LRP3: variants seen among roughly 807,000 people sequenced by gnomAD.
LRP3 encodes the protein low-density lipoprotein receptor-related protein 3.
In LRP3, 49 loss-of-function variants were observed where a neutral mutation model predicts 58.5. That is an observed-to-expected ratio of 0.84 (90% CI 0.67 to 1.06). The LOEUF (loss-of-function observed/expected upper bound fraction) is 1.06, where lower values mean the gene tolerates loss of function less well. Ranked by LOEUF, LRP3 falls within the 50% of genes least tolerant of loss-of-function variation. The pLI is 0.00. For synonymous variants in LRP3, 485 were observed against 492.2 expected, an observed-to-expected ratio of 0.99 and a Z score of 0.20; for missense variants, 1,019 against 1,134.2, an observed-to-expected ratio of 0.90 and a Z score of 1.46.
At position 33,207,397 on chromosome 19, in the gene LRP3, C is replaced by G; in HGVS notation, c.2135C>G (p.Ala712Gly). Residue 712 changes from alanine (A) to glycine (G), a missense_variant, in exon 7 of 7, where the codon GCT becomes GGT. Ala to Gly is a moderately conservative substitution (Grantham distance 60, BLOSUM62 0). Transcript: ENST00000253193. ...AGGGAGCCACTGGTAGACGGCCCAG[C>G]TCCTGCAGATGCACCTCGGGAGCCC... ...VCREPLVDGP[A>G]PADAPREPCS... 1 of 1,587,678 alleles carries G rather than the reference C, an allele frequency of 6.3e-7. No individual in the cohort carries two copies. Among genetic ancestry groups the G allele is most frequent in the Non-Finnish European group, 8.5e-7 (1 of 1,172,404 alleles).
chr19:33,198,375 A>G (rs1037590650), intron 2 of LRP3, among the ~76,000 whole-genome samples: 5 of 152,060 alleles, frequency 3.3e-5, no homozygotes, highest in Non-Finnish European at 7.4e-5. Context: ...TGGGAGCTGC[A>G]CGCCCAGCGC....
At position 33,207,283 on chromosome 19, in the gene LRP3, C is replaced by A. The variant is rs1439213059; in HGVS notation, c.2021C>A (p.Ala674Glu). 1 of 1,557,238 alleles carries A rather than the reference C, an allele frequency of 6.4e-7. No individual in the cohort carries two copies. The highest frequency in any genetic ancestry group is 1.2e-5 in the South Asian group (1 of 84,436). ...AGGCCCCCCAGTGCCCCCGGCCGTG[C>A]ACCGGAGGTGGGACCTTCAGGGCCA... ...GDRPPSAPGR[A>E]PEVGPSGPPL... Residue 674 changes from alanine to glutamate, a missense_variant, in exon 7 of 7, where the codon GCA (alanine) becomes GAA (glutamate). By Grantham distance (107) the Ala-to-Glu change is moderately radical (BLOSUM62 -1). This residue lies in a region of LRP3 where 427 missense variants were observed against 408.6 expected (regional missense o/e 1.04). Coordinates refer to ENST00000253193, the MANE Select transcript of LRP3 (RefSeq NM_002333.4).
intron 3 of LRP3, among the ~76,000 whole-genome samples, chr19:33,203,408 T>C (rs1311097960): frequency 6.6e-6 from 1 of 152,186 alleles, no homozygotes; most frequent in Non-Finnish European, 1.5e-5. Flanking sequence ...AGGACACATG[T>C]GAGAGACTGC....
chr19:33,202,657 G>T (rs1974352774), intron 2 of LRP3, among the ~76,000 whole-genome samples, 191 bp from the exon 3 acceptor site: 1 of 152,156 alleles, frequency 6.6e-6, no homozygotes, highest in Admixed American at 6.5e-5. Context: ...AGTCTAGGGG[G>T]CCCTCCTTGG....
In LRP3 at chr19:33,207,311, C is replaced by G. The variant is rs770811890; in HGVS notation, c.2049C>G (p.Pro683=). The G allele has an allele frequency of 3.3e-5, 51 of 1,569,114 alleles. No individual in the cohort carries two copies. Among genetic ancestry groups the G allele is most frequent in the Non-Finnish European group, 4.1e-5 (48 of 1,165,258 alleles). The change falls in exon 7 of 7, where the codon CCC becomes CCG. Residue 683 remains proline (P), a synonymous_variant. Coordinates refer to ENST00000253193, the MANE Select transcript of LRP3 (RefSeq NM_002333.4). Reference sequence around the variant, plus strand: ...CGGAGGTGGGACCTTCAGGGCCACCCTTGCCCTCGGGCCTGCGAGACCCAG... The same window carrying G: ...CGGAGGTGGGACCTTCAGGGCCACCGTTGCCCTCGGGCCTGCGAGACCCAG... The part of the protein sequence containing the change: ...RAPEVGPSGP[P]LPSGLRDPEC...
chr19:33,198,039 C>T (rs1044423475), intron 2 of LRP3, among the ~76,000 whole-genome samples: 1 of 152,256 alleles, frequency 6.6e-6, no homozygotes, highest in South Asian at 2.1e-4. Context: ...ATCCCAATTT[C>T]CAGGAAAAGG....
At position 33,206,045 on chromosome 19, in the gene LRP3, T is replaced by G; in HGVS notation, c.1275T>G (p.Gly425=). ...CGCCCGACCAGTACCCCTGCGAGGG[T>G]GGCAGTGGTCTGTGCTACACGCCTG... ...ACPPDQYPCE[G]GSGLCYTPAD... Residue 425 remains glycine (G), a synonymous_variant, in exon 5 of 7, where the codon GGT becomes GGG. Coordinates refer to ENST00000253193, the MANE Select transcript of LRP3 (RefSeq NM_002333.4). 6.3e-7 allele frequency: 1 copy of G among 1,598,708 alleles called. No homozygotes were observed. The highest frequency in any genetic ancestry group is 8.5e-7 in the Non-Finnish European group (1 of 1,173,540).
rs1442812083 is a variant in LRP3, at chr19:33,207,532, C to T, written c.2270C>T (p.Pro757Leu). Residue 757 changes from proline to leucine, a missense_variant, in exon 7 of 7, where the codon CCA (proline) becomes CTA (leucine). By Grantham distance (98) the Pro-to-Leu change is moderately conservative. Transcript: ENST00000253193. ...AGGAACCCCCCGCCCCCCTGCTCCCCAATGCTGGAGGCCAGCGATGATGAG... is the reference window on the plus strand; with the variant it reads ...AGGAACCCCCCGCCCCCCTGCTCCCTAATGCTGGAGGCCAGCGATGATGAG... ...VCRNPPPPCS[P>L]MLEASDDEAL... 6.2e-7 allele frequency: 1 copy of T among 1,605,952 alleles called. No homozygotes were observed. The highest frequency in any genetic ancestry group is 8.5e-7 in the Non-Finnish European group (1 of 1,179,608).
At position 33,208,752 on chromosome 19, in the gene LRP3, C is replaced by T. The variant is rs1476568663; in HGVS notation, c.*1177C>T. The T allele has an allele frequency of 9.5e-7, 1 of 1,055,880 alleles. No individual in the cohort carries two copies. Among genetic ancestry groups the T allele is most frequent in the Non-Finnish European group, 1.3e-6 (1 of 748,214 alleles). 65.4% of individuals were successfully genotyped at this position (1,055,880 alleles called of 1,614,324 possible). A position where few individuals can be genotyped will look rare whatever the true frequency, so the allele number is the denominator to read the frequency against. On this transcript the variant is annotated 3_prime_UTR_variant, in exon 7 of 7. Transcript: ENST00000253193. The surrounding 1 kb of genome is among the most constrained non-coding windows in gnomAD (Gnocchi z 4.7). ...AGGAAACCCAGTCCACATTTTAGGG[C>T]TTCCTTAAACAGGCTTCTGAGAGTC...
In LRP3 at chr19:33,196,316, A is replaced by G. The variant is rs114217961; in HGVS notation, c.74-414A>G. ...GCCTGTAATCCCAGCACTTTGGGAG[A>G]CCAAGGCAAGAGAATTGCTGGAGGC... On this transcript the variant is annotated intron_variant, in intron 1 of 6. Coordinates refer to ENST00000253193, the MANE Select transcript of LRP3 (RefSeq NM_002333.4). Among the ~76,000 whole-genome samples the G allele has an allele frequency of 3.3e-3, 504 of 152,244 alleles. 1 individual carries two copies. Among genetic ancestry groups the G allele is most frequent in the African/African-American group, 0.012 (482 of 41,556 alleles).
At chr19:33,195,132 C>A (rs900764896) in intron 1 of LRP3, among the ~76,000 whole-genome samples, 2 of 152,118 alleles carry the variant, frequency 1.3e-5, no homozygotes, top group African/African-American at 4.8e-5. Context: ...CAGGCGGCAG[C>A]CTTCAACCCG....
chr19:33,207,107 G>A lies in LRP3; in HGVS notation c.1845G>A (p.Pro615=), dbSNP rs368596989. The A allele has an allele frequency of 1.7e-4, 261 of 1,526,064 alleles. No individual in the cohort carries two copies. Among genetic ancestry groups the A allele is most frequent in the Middle Eastern group, 1.8e-4 (1 of 5,596 alleles). The allele number at this position is 1,526,064 out of a possible 1,614,324, so 94.5% of individuals were successfully genotyped here. Reference sequence around the variant, plus strand: ...TCTGGAACCGGCTCTTTCACCGGCCGCGGGCGCCCCGAGGCCAGATCCCAC... The same window carrying A: ...TCTGGAACCGGCTCTTTCACCGGCCACGGGCGCCCCGAGGCCAGATCCCAC... ...GRLWNRLFHR[P]RAPRGQIPLL... is the part of the protein sequence containing the mutation. The change falls in exon 7 of 7, where the codon CCG becomes CCA. Residue 615 remains proline, a synonymous_variant. Transcript: ENST00000253193.
rs1027479036 is a variant in LRP3 at position 33,205,659 on chromosome 19, C to A, written c.889C>A (p.Gln297Lys). Residue 297 changes from glutamine to lysine, a missense_variant, in exon 5 of 7, where the codon CAG becomes AAG. Transcript: ENST00000253193. ...ACAGGACTCCCGGCGGGTGCTGCTG[C>A]AGCTGGAACTGCGGCTGGGCTATGA... is the stretch of plus-strand genomic sequence containing the variant. ...DTQDSRRVLL[Q>K]LELRLGYDDY... 3.7e-6 allele frequency: 6 copies of A among 1,609,366 alleles called. No homozygotes were observed. Among genetic ancestry groups the A allele is most frequent in the African/African-American group, 1.3e-5 (1 of 74,892 alleles).
At chr19:33,196,460 A>G (rs1385934261) in intron 1 of LRP3, among the ~76,000 whole-genome samples, 1 of 152,242 alleles carries the variant, frequency 6.6e-6, no homozygotes, top group Non-Finnish European at 1.5e-5. Flanking sequence ...TGGGAGGCTC[A>G]GGTGGGAGGA....
At chr19:33,196,833 G>T in intron 2 of LRP3, 56 bp downstream of exon 2, 3 of 1,548,752 alleles carry the variant, frequency 1.9e-6, no homozygotes, top group Non-Finnish European at 2.7e-6. Context: ...TGGGTGAGTG[G>T]TCCCTGAAGA....
rs1221221403 is a variant in LRP3, at chr19:33,205,130, G to A, written c.476-116G>A. On this transcript the variant is annotated intron_variant, in intron 4 of 6. Transcript: ENST00000253193. ...ACAGAGCCCACCCTGGTGTTGGAGG[G>A]GTCTCTGCTGCCACAGTGATGGGGA... 5 of 1,149,636 alleles carry A rather than the reference G, an allele frequency of 4.3e-6. No homozygotes were observed. In the African/African-American group the frequency reaches 4.6e-5, roughly 11 times the overall value. The allele number at this position is 1,149,636 out of a possible 1,614,324, so 71.2% of individuals were successfully genotyped here.
At chr19:33,194,977 C>G (rs1221984080) in intron 1 of LRP3, 119 bp downstream of exon 1, 2 of 346,982 alleles carry the variant, frequency 5.8e-6, no homozygotes, top group Non-Finnish European at 8.4e-6. Context: ...GTGGCTCCCG[C>G]GCGGAGACCC....
At position 33,204,856 on chromosome 19, in the gene LRP3, A is replaced by T; in HGVS notation, c.475+4A>T. 7.4e-6 allele frequency: 12 copies of T among 1,612,408 alleles called. No individual in the cohort carries two copies. The highest frequency in any genetic ancestry group is 1.0e-5 in the Non-Finnish European group (12 of 1,179,676). On this transcript the variant is annotated splice_donor_region_variant and intron_variant, in intron 4 of 6. Transcript: ENST00000253193. ...TTCCGTCTGTCTTACATCCGAGGTGATGGAGGCTGCAGGGCAGGCAGGACA... is the reference window on the plus strand; with the variant it reads ...TTCCGTCTGTCTTACATCCGAGGTGTTGGAGGCTGCAGGGCAGGCAGGACA...
rs182195387 is a variant in LRP3 at position 33,208,535 on chromosome 19, C to T, written c.*960C>T. ...GAGCGCCTGTGTCAAGCAGCAAAGC[C>T]CCCTAATGTCAAGAGCCTCCTCCAG... On this transcript the variant is annotated 3_prime_UTR_variant, in exon 7 of 7. Transcript: ENST00000253193. This position sits in a 1 kb window ranked among gnomAD's most constrained non-coding sequence, Gnocchi z 4.7. 3.5e-3 allele frequency: 1,227 copies of T among 353,732 alleles called. 16 individuals are homozygous for T. Among genetic ancestry groups the T allele is most frequent in the African/African-American group, 0.025 (1,170 of 47,348 alleles). The allele number at this position is 353,732 out of a possible 1,614,324, so 21.9% of individuals were successfully genotyped here.
Sources: allele counts gnomAD v4.1 joint callset (sites outside exome capture counted in the v4.1 genomes callset), GRCh38; gene constraint gnomAD v4.1.1; regional missense constraint gnomAD v4.1.1; non-coding constraint Gnocchi (gnomAD v3.1); transcripts MANE v1.5; gene names NCBI Gene and HGNC (gene_info 2026-07-23, HGNC 2026-07-21).